Variants in NRXN3 observed in about 807,000 individuals in gnomAD.
NRXN3 encodes the protein neurexin 3.
NRXN3 carries 32 observed loss-of-function variants against 137.6 expected under a neutral mutation model. That is an observed-to-expected ratio of 0.23 (90% CI 0.18 to 0.31). The LOEUF (loss-of-function observed/expected upper bound fraction) is 0.31. Ranked by LOEUF, NRXN3 falls within the 10% of genes least tolerant of loss-of-function variation. The pLI, the probability that NRXN3 is intolerant of heterozygous loss-of-function variation, is 1.00. For missense variants in NRXN3, 1,574 were observed against 2,062.5 expected, an observed-to-expected ratio of 0.76 and a Z score of 4.59; for synonymous variants, 798 against 784.5, an observed-to-expected ratio of 1.02 and a Z score of -0.29.
intron 8 of NRXN3, among the ~76,000 whole-genome samples, chr14:78,768,561 G>A (rs2098716496): frequency 6.6e-6 from 1 of 152,088 alleles, no homozygotes; most frequent in Non-Finnish European, 1.5e-5. Context: ...AAGTTTACTG[G>A]CAGAAATAGA....
intron 14 of NRXN3, among the ~76,000 whole-genome samples, chr14:78,978,106 T>C (rs1340030468): frequency 1.3e-5 from 2 of 152,292 alleles, no homozygotes; most frequent in African/African-American, 4.8e-5. Flanking sequence ...AAATGTTAGA[T>C]TTTATTCTTT....
chr14:78,663,908 A>C (rs1358269518), intron 6 of NRXN3, among the ~76,000 whole-genome samples: 1 of 152,234 alleles, frequency 6.6e-6, no homozygotes, highest in Non-Finnish European at 1.5e-5. Context: ...TCATTGAGCT[A>C]ATTAATTAGC....
At chr14:78,204,076 C>T (rs536508509) in intron 1 of NRXN3, among the ~76,000 whole-genome samples, 1 of 151,830 alleles carries the variant, frequency 6.6e-6, no homozygotes, top group East Asian at 1.9e-4. Flanking sequence ...TTACTTTATT[C>T]CTTATTGTTG....
chr14:78,256,574 G>T (rs2069652898), intron 2 of NRXN3, among the ~76,000 whole-genome samples: 1 of 152,210 alleles, frequency 6.6e-6, no homozygotes. Flanking sequence ...TTTAGGGGGT[G>T]AGAAAGATTA....
chr14:79,741,723 T>A (rs2098963822), intron 19 of NRXN3, among the ~76,000 whole-genome samples: 1 of 151,798 alleles, frequency 6.6e-6, no homozygotes, highest in Non-Finnish European at 1.5e-5. Flanking sequence ...TGGCCTCAAG[T>A]GATCTGCCCA....
chr14:78,547,611 T>C (rs1214160183), intron 4 of NRXN3, among the ~76,000 whole-genome samples: 2 of 152,098 alleles, frequency 1.3e-5, no homozygotes, highest in Non-Finnish European at 2.9e-5. Flanking sequence ...ATTTAAAATA[T>C]AGTATGTTTC....
At chr14:78,714,709 G>T in intron 7 of NRXN3, 47 bp from the exon 8 acceptor site, 1 of 1,592,264 alleles carries the variant, frequency 6.3e-7, no homozygotes, top group South Asian at 1.1e-5. Flanking sequence ...TCTTACATTT[G>T]GTTAAGCAAC....
intron 15 of NRXN3, among the ~76,000 whole-genome samples, chr14:79,047,129 T>A: frequency 1.4e-5 from 2 of 147,616 alleles, no homozygotes; most frequent in South Asian, 2.2e-4. Context: ...GCCACTCCCT[T>A]CCCGCCCCAC....
At chr14:79,185,025 A>T (rs997296175) in intron 15 of NRXN3, among the ~76,000 whole-genome samples, 1 of 152,202 alleles carries the variant, frequency 6.6e-6, no homozygotes, top group Admixed American at 6.5e-5. Context: ...ACAGAGATGC[A>T]CCTAACACAG....
intron 15 of NRXN3, among the ~76,000 whole-genome samples, chr14:79,146,560 A>T (rs570921971): frequency 6.6e-6 from 1 of 152,160 alleles, no homozygotes; most frequent in Non-Finnish European, 1.5e-5. Flanking sequence ...CTTGAAAAAA[A>T]GAGTGACAAC....
At chr14:79,615,283 A>T (rs1310565064) in intron 16 of NRXN3, among the ~76,000 whole-genome samples, 3 of 152,222 alleles carry the variant, frequency 2.0e-5, no homozygotes. Context: ...TCTTCAAGGT[A>T]CCTAAGTAAT....
chr14:78,657,317 A>C (rs1011937172), intron 6 of NRXN3, among the ~76,000 whole-genome samples: 1 of 152,166 alleles, frequency 6.6e-6, no homozygotes, highest in Non-Finnish European at 1.5e-5. Flanking sequence ...AGGCTACTCA[A>C]GCCCATCACA....
Position 78,709,204 on chromosome 14 carries a change from T to C in NRXN3, c.1222-13T>C, listed in dbSNP as rs758764912. ...GATTGATTCACATGGCACTTTTGTT[T>C]GGCTTTTGACAGGTTGTTTATAAGA... is the stretch of plus-strand genomic sequence containing the variant. On this transcript the variant is annotated splice_polypyrimidine_tract_variant and intron_variant, in intron 6 of 20. Coordinates refer to ENST00000335750, the MANE Select transcript of NRXN3 (RefSeq NM_001330195.2). The C allele has an allele frequency of 6.3e-7, 1 of 1,598,284 alleles. No individual in the cohort carries two copies. Among genetic ancestry groups the C allele is most frequent in the Non-Finnish European group, 8.5e-7 (1 of 1,171,962 alleles).
chr14:79,057,610 G>C (rs2099667493), intron 15 of NRXN3, among the ~76,000 whole-genome samples: 1 of 152,138 alleles, frequency 6.6e-6, no homozygotes, highest in South Asian at 2.1e-4. Context: ...AACCAAGAGT[G>C]GAGAGAACTT....
rs1474595725 is a variant in NRXN3 at position 78,487,690 on chromosome 14, T to G, written c.758-157430T>G. On this transcript the variant is annotated intron_variant, in intron 4 of 20. Transcript: ENST00000335750. ...CCAGGAGGCAGAGGTTGCAGTGAGC[T>G]GAGATCATGCCACCACACTCCAGCC... 4.6e-4 allele frequency among the ~76,000 whole-genome samples: 70 copies of G among 151,584 alleles called. 2 individuals carry two copies. Among genetic ancestry groups the G allele is most frequent in the Admixed American group, 4.6e-3 (70 of 15,194 alleles).
chr14:79,372,486 A>T (rs1047777312), intron 15 of NRXN3, among the ~76,000 whole-genome samples: 2 of 152,270 alleles, frequency 1.3e-5, no homozygotes, highest in Admixed American at 1.3e-4. Flanking sequence ...ATTATATAAT[A>T]ATTCCTCATA....
At chr14:79,088,526 A>G (rs1037303356) in intron 15 of NRXN3, among the ~76,000 whole-genome samples, 1 of 139,990 alleles carries the variant, frequency 7.1e-6, no homozygotes, top group Non-Finnish European at 1.5e-5. Flanking sequence ...ATATTTTATT[A>G]TAATTATCCT....
intron 20 of NRXN3, chr14:79,824,001 G>C (rs1371803605): frequency 2.5e-6 from 1 of 407,922 alleles, no homozygotes; most frequent in Non-Finnish European, 5.2e-6. Context: ...ATTTCTGCTT[G>C]GAACCCAGGA....
intron 1 of NRXN3, among the ~76,000 whole-genome samples, chr14:78,220,299 G>C (rs546992655): frequency 6.6e-6 from 1 of 152,186 alleles, no homozygotes; most frequent in East Asian, 1.9e-4. Context: ...TCTGAAGGGT[G>C]GTGGGGAGAA....
Sources: allele counts gnomAD v4.1 joint callset (sites outside exome capture counted in the v4.1 genomes callset), GRCh38; gene constraint gnomAD v4.1.1; transcripts MANE v1.5; gene names NCBI Gene and HGNC (gene_info 2026-07-23, HGNC 2026-07-21).